Variants in ZNF708 observed in about 807,000 individuals in gnomAD.
The protein encoded by ZNF708 is zinc finger protein 708, also known as ZNF15, ZNF15L1.
ZNF708 carries 44 observed loss-of-function variants against 47.0 expected under a neutral mutation model. The ratio of observed to expected loss-of-function variants is 0.94; its 90% CI spans 0.74 to 1.20. The LOEUF (loss-of-function observed/expected upper bound fraction) is 1.20. Ranked by LOEUF, ZNF708 falls within the 50% of genes most tolerant of loss-of-function variation. The pLI is 0.00. For synonymous variants in ZNF708, 184 were observed against 218.5 expected, an observed-to-expected ratio of 0.84 and a Z score of 1.39; for missense variants, 557 against 656.0, an observed-to-expected ratio of 0.85 and a Z score of 1.65.
At chr19:21,318,874 T>C (rs1973069750) in intron 1 of ZNF708, among the ~76,000 whole-genome samples, 2 of 152,218 alleles carry the variant, frequency 1.3e-5, no homozygotes, top group African/African-American at 4.8e-5. Flanking sequence ...TGAAAGACAC[T>C]AAAATTATGC....
At chr19:21,298,750 G>T (rs1972595722) in intron 3 of ZNF708, among the ~76,000 whole-genome samples, 1 of 152,142 alleles carries the variant, frequency 6.6e-6, no homozygotes. Flanking sequence ...GTCATATAAA[G>T]AGTCATTTGC....
At chr19:21,297,867 C>T (rs545563856) in intron 3 of ZNF708, among the ~76,000 whole-genome samples, 1 of 151,830 alleles carries the variant, frequency 6.6e-6, no homozygotes, top group South Asian at 2.1e-4. Context: ...CAAAAAGTGT[C>T]ATATTTAACA....
chr19:21,293,329 T>G lies in ZNF708; in HGVS notation c.1637A>C (p.Asn546Thr), dbSNP rs1378602480. The change falls in exon 4 of 4, where the codon AAC becomes ACC. Residue 546 changes from asparagine to threonine, a missense_variant. Coordinates refer to ENST00000356929, the MANE Select transcript of ZNF708 (RefSeq NM_021269.3). ...ECGKAFNQSP[N>T]LTKHKRIHTK... ...ATGAATTCTCTTATGTTTAGTAAGG[T>G]TTGGGGACTGGTTAAAGGCTTTGCC... 4.3e-6 allele frequency: 7 copies of G among 1,612,950 alleles called. No homozygotes were observed. The African/African-American group carries it at 6.7e-5, about 15-fold the overall frequency.
Position 21,294,530 on chromosome 19 carries a change from C to T in ZNF708, c.436G>A (p.Val146Met), listed in dbSNP as rs571581227. 6.8e-6 allele frequency: 11 copies of T among 1,614,140 alleles called. No individual in the cohort carries two copies. The highest frequency in any genetic ancestry group is 4.5e-5 in the East Asian group (2 of 44,874). Reference sequence around the variant, plus strand: ...TTTGAATATTTATGAAAGACTTTCACGTATTTGTCACACTGAACTATTTTG... The same window carrying T: ...TTTGAATATTTATGAAAGACTTTCATGTATTTGTCACACTGAACTATTTTG... ...QSKIVQCDKY[V>M]KVFHKYSNAK... Residue 146 changes from valine to methionine, a missense_variant, in exon 4 of 4, where the codon GTG becomes ATG. Coordinates refer to ENST00000356929, the MANE Select transcript of ZNF708 (RefSeq NM_021269.3).
chr19:21,329,341 G>T lies in ZNF708; in HGVS notation c.-129C>A. Reference sequence around the variant, plus strand: ...CAGTGAAGACGAGACCGGAGCTCCGGCTGCAGCAAGAGACAAAGGCCGCGC... The same window carrying T: ...CAGTGAAGACGAGACCGGAGCTCCGTCTGCAGCAAGAGACAAAGGCCGCGC... On this transcript the variant is annotated 5_prime_UTR_variant, in exon 1 of 4. Transcript: ENST00000356929. The T allele has an allele frequency of 6.9e-7, 1 of 1,440,180 alleles. No homozygotes were observed. Among genetic ancestry groups the T allele is most frequent in the Non-Finnish European group, 9.6e-7 (1 of 1,040,288 alleles). 89.2% of individuals were successfully genotyped at this position (1,440,180 alleles called of 1,614,324 possible).
At chr19:21,306,088 A>G (rs1972758596) in intron 3 of ZNF708, among the ~76,000 whole-genome samples, 1 of 152,248 alleles carries the variant, frequency 6.6e-6, no homozygotes, top group Non-Finnish European at 1.5e-5. Context: ...TGGTTTAACT[A>G]AATACTTAAA....
chr19:21,323,116 T>C (rs1323295165), intron 1 of ZNF708, among the ~76,000 whole-genome samples: 4 of 152,164 alleles, frequency 2.6e-5, no homozygotes, highest in African/African-American at 7.2e-5. Context: ...ATGACACACA[T>C]AGACAATCCA....
chr19:21,312,818 A>G (rs977071838), intron 1 of ZNF708, among the ~76,000 whole-genome samples: 1 of 152,256 alleles, frequency 6.6e-6, no homozygotes, highest in African/African-American at 2.4e-5. Flanking sequence ...TCTTGTCACA[A>G]CACAAGTATT....
At chr19:21,323,303 T>G (rs1188752660) in intron 1 of ZNF708, among the ~76,000 whole-genome samples, 1 of 152,208 alleles carries the variant, frequency 6.6e-6, no homozygotes, top group Non-Finnish European at 1.5e-5. Context: ...GAATTTGACT[T>G]CAGTGGTGAA....
chr19:21,300,857 T>G (rs1972645689), intron 3 of ZNF708, among the ~76,000 whole-genome samples: 1 of 151,892 alleles, frequency 6.6e-6, no homozygotes, highest in South Asian at 2.1e-4. Context: ...AAACAAGGTT[T>G]CACTGTGTTA....
chr19:21,297,258 ATATATATATATATTTTTTTTTT>A (rs1170797872), intron 3 of ZNF708, among the ~76,000 whole-genome samples: 2 of 14,716 alleles, frequency 1.4e-4, no homozygotes, highest in African/African-American at 4.3e-4. Flanking sequence ...ATATATATAT[ATATATATATATATTTTTTTTTT>A]TTTTTTTTTT....
At chr19:21,296,468 CTCA>C (rs1972528907) in intron 3 of ZNF708, among the ~76,000 whole-genome samples, 1 of 152,036 alleles carries the variant, frequency 6.6e-6, no homozygotes, top group South Asian at 2.1e-4. Flanking sequence ...TGCCATTGCA[CTCA>C]AGCTTGGGCA....
chr19:21,326,827 G>A (rs1678830), intron 1 of ZNF708, among the ~76,000 whole-genome samples: 2,191 of 152,220 alleles, frequency 0.014, 57 homozygotes, highest in African/African-American at 0.046. Flanking sequence ...CTAGCTACCC[G>A]GGAGGCTGAG....
At chr19:21,324,397 G>A (rs146453090) in intron 1 of ZNF708, among the ~76,000 whole-genome samples, 3 of 152,166 alleles carry the variant, frequency 2.0e-5, no homozygotes, top group South Asian at 2.1e-4. Flanking sequence ...CAGAAACCCC[G>A]TCTCTACTAA....
In ZNF708 at chr19:21,309,350, T is replaced by C. The variant is rs1480254659; in HGVS notation, c.131-9A>G. On this transcript the variant is annotated splice_polypyrimidine_tract_variant and intron_variant, in intron 2 of 3. Coordinates refer to ENST00000356929, the MANE Select transcript of ZNF708 (RefSeq NM_021269.3). ...ATTAGACACAGCAATACCTGTTTTA[T>C]TAAAAATAAATAACGTGAATCTTGC... 4 of 1,567,676 alleles carry C rather than the reference T, an allele frequency of 2.6e-6. No homozygotes were observed. The South Asian group carries it at 4.6e-5, about 18-fold the overall frequency.
In ZNF708 at chr19:21,292,388, A is replaced by G. The variant is rs751585867; in HGVS notation, c.*886T>C. 9.2e-5 allele frequency: 14 copies of G among 152,210 alleles called. No homozygotes were observed. Among genetic ancestry groups the G allele is most frequent in the Non-Finnish European group, 1.5e-4 (10 of 68,034 alleles). 9.4% of individuals were successfully genotyped at this position (152,210 alleles called of 1,614,324 possible). A position where few individuals can be genotyped will look rare whatever the true frequency, so the allele number is the denominator to read the frequency against. Reference sequence around the variant, plus strand: ...TATTTACATAGACTTATTTTGGATTAAATGTTTTAAATATATACTGCATCT... The same window carrying G: ...TATTTACATAGACTTATTTTGGATTGAATGTTTTAAATATATACTGCATCT... On this transcript the variant is annotated 3_prime_UTR_variant, in exon 4 of 4. Transcript: ENST00000356929.
intron 3 of ZNF708, among the ~76,000 whole-genome samples, chr19:21,304,239 T>C (rs2992089): frequency 7.9e-5 from 12 of 151,354 alleles, no homozygotes; most frequent in African/African-American, 2.7e-4. Context: ...ACAGAGTAAG[T>C]GTGAGGTGAA....
At position 21,294,570 on chromosome 19, in the gene ZNF708, C is replaced by T. The variant is rs1230192833; in HGVS notation, c.396G>A (p.Val132=). 3.1e-6 allele frequency: 5 copies of T among 1,614,068 alleles called. No homozygotes were observed. Among genetic ancestry groups the T allele is most frequent in the South Asian group, 1.1e-5 (1 of 91,088 alleles). ...KGGHKGLNRC[V]TTTQSKIVQC... is the part of the protein sequence containing the mutation. ...GAACTATTTTGCTCTGGGTAGTTGTCACACACCGGTTAAGTCCCTTGTGAC... is the reference window on the plus strand; with the variant it reads ...GAACTATTTTGCTCTGGGTAGTTGTTACACACCGGTTAAGTCCCTTGTGAC... The change falls in exon 4 of 4, where the codon GTG becomes GTA. Residue 132 remains valine, a synonymous_variant. Transcript: ENST00000356929.
At chr19:21,328,011 C>T (rs1186818362) in intron 1 of ZNF708, 1 of 996,268 alleles carries the variant, frequency 1.0e-6, no homozygotes, top group East Asian at 1.1e-4. Context: ...ATTCACTAGA[C>T]ACTCTAGCAG....
Sources: gnomAD v4.1 joint callset for allele counts (sites outside exome capture counted in the v4.1 genomes callset) on GRCh38, gnomAD v4.1.1 for gene constraint, MANE v1.5 for transcripts, NCBI Gene and HGNC (gene_info 2026-07-23, HGNC 2026-07-21) for gene names.